THSD7A: variants seen among roughly 807,000 people sequenced by gnomAD.
THSD7A encodes the protein thrombospondin type 1 domain containing 7A, also known as thrombospondin type-1 domain-containing protein 7A.
A neutral mutation model predicts 231.3 loss-of-function variants in THSD7A; 96 were observed. The ratio of observed to expected loss-of-function variants is 0.41; its 90% CI spans 0.35 to 0.49. THSD7A has a LOEUF of 0.49. Among genes scored for constraint, THSD7A ranks in the 20% least tolerant of loss-of-function variants. The pLI, the probability that THSD7A is intolerant of heterozygous loss-of-function variation, is 0.05. For synonymous variants in THSD7A, 940 were observed against 743.3 expected, an observed-to-expected ratio of 1.26 and a Z score of -4.30; for missense variants, 2,290 against 2,070.2, an observed-to-expected ratio of 1.11 and a Z score of -2.06.
chr7:11,636,868 A>G lies in THSD7A; in HGVS notation c.284T>C (p.Leu95Pro), dbSNP rs1287842388. 12 of 1,613,844 alleles carry G rather than the reference A, an allele frequency of 7.4e-6. No individual in the cohort carries two copies. The highest frequency in any genetic ancestry group is 1.0e-5 in the Non-Finnish European group (12 of 1,179,894). The change falls in exon 2 of 28, where the codon CTG becomes CCG. Residue 95 changes from leucine to proline, a missense_variant. By Grantham distance (98) the Leu-to-Pro change is moderately conservative (BLOSUM62 -3). Coordinates refer to ENST00000423059, the MANE Select transcript of THSD7A (RefSeq NM_015204.3). This position sits in a 1 kb window ranked among gnomAD's most constrained non-coding sequence, Gnocchi z 10.0. ...CTCGGCCTGCTTACAGTTAGTATGC[A>G]GTGTAGTCCATCCCTCCACATGAGC... ...WCAHVEGWTTLHTNCKQAERP... is the reference protein window; with the variant it reads ...WCAHVEGWTTPHTNCKQAERP...
rs1326531356 is a variant in THSD7A, at chr7:11,444,326, T to C, written c.3064+1735A>G. Among the ~76,000 whole-genome samples, 1 of 152,096 alleles carries C rather than the reference T, an allele frequency of 6.6e-6. No homozygotes were observed. Among genetic ancestry groups the C allele is most frequent in the Admixed American group, 6.6e-5 (1 of 15,244 alleles). On this transcript the variant is annotated intron_variant, in intron 13 of 27. Transcript: ENST00000423059. This position sits in a 1 kb window ranked among gnomAD's most constrained non-coding sequence, Gnocchi z 4.2. Reference sequence around the variant, plus strand: ...TATATACCCGAAGGATTATAAATCATTCTACTATAAAGACACATGCACACG... The same window carrying C: ...TATATACCCGAAGGATTATAAATCACTCTACTATAAAGACACATGCACACG...
chr7:11,379,890 G>A (rs1434799046), intron 24 of THSD7A, 178 bp from the exon 25 acceptor site: 4 of 638,216 alleles, frequency 6.3e-6, no homozygotes, highest in Non-Finnish European at 8.3e-6. Context: ...GTGACTCCAG[G>A]CCCTTTTTAC....
intron 1 of THSD7A, among the ~76,000 whole-genome samples, chr7:11,811,686 T>C (rs1784532075): frequency 1.3e-5 from 2 of 152,212 alleles, no homozygotes; most frequent in African/African-American, 4.8e-5. Flanking sequence ...CTAGTTCTTT[T>C]ACCTGCAATA....
At chr7:11,502,466 C>G (rs887720131) in intron 6 of THSD7A, among the ~76,000 whole-genome samples, 9 of 152,140 alleles carry the variant, frequency 5.9e-5, no homozygotes, top group Non-Finnish European at 1.0e-4. Flanking sequence ...CCCCAGGATA[C>G]AAGACTGGTT....
chr7:11,400,628 A>G (rs1783368497), intron 23 of THSD7A, among the ~76,000 whole-genome samples: 1 of 152,100 alleles, frequency 6.6e-6, no homozygotes, highest in Non-Finnish European at 1.5e-5. Context: ...TACTTATCCT[A>G]TGCTGGCATA....
chr7:11,476,239 A>T (rs1786170204), intron 7 of THSD7A, among the ~76,000 whole-genome samples: 1 of 151,914 alleles, frequency 6.6e-6, no homozygotes, highest in Non-Finnish European at 1.5e-5. Context: ...CCTACAGTTT[A>T]TACAATATTT....
intron 4 of THSD7A, among the ~76,000 whole-genome samples, chr7:11,555,732 G>A (rs1789818035): frequency 6.6e-6 from 1 of 150,584 alleles, no homozygotes; most frequent in African/African-American, 2.4e-5. Flanking sequence ...ATCAGTTTTT[G>A]TTCATATATT....
chr7:11,774,761 C>T (rs1434645979), intron 1 of THSD7A, among the ~76,000 whole-genome samples: 2 of 152,092 alleles, frequency 1.3e-5, no homozygotes, highest in Non-Finnish European at 2.9e-5. Context: ...GCCTAAGAAA[C>T]TAAAGACATA....
chr7:11,547,662 C>T (rs1052121323), intron 4 of THSD7A, among the ~76,000 whole-genome samples: 1 of 152,124 alleles, frequency 6.6e-6, no homozygotes, highest in Non-Finnish European at 1.5e-5. Flanking sequence ...ATCAACCACC[C>T]TCTCAGACCA....
Position 11,376,561 on chromosome 7 carries a change from A to G in THSD7A, c.4889+9T>C. The G allele has an allele frequency of 1.3e-6, 2 of 1,561,500 alleles. No homozygotes were observed. Among genetic ancestry groups the G allele is most frequent in the Non-Finnish European group, 1.7e-6 (2 of 1,150,908 alleles). On this transcript the variant is annotated intron_variant, in intron 27 of 27. Transcript: ENST00000423059. ...ATCTCTTTGGATTTTTAATTATTTAAACACTCACCAAGCTAGATAAATCAT... is the reference window on the plus strand; with the variant it reads ...ATCTCTTTGGATTTTTAATTATTTAGACACTCACCAAGCTAGATAAATCAT...
Position 11,372,048 on chromosome 7 carries a change from T to C in THSD7A, c.*3746A>G, listed in dbSNP as rs1436232494. Reference sequence around the variant, plus strand: ...AAGTGTGTGAGAGGTCTATTCAATTTCTGTGAGAAGGAAGACGTGAATTTA... The same window carrying C: ...AAGTGTGTGAGAGGTCTATTCAATTCCTGTGAGAAGGAAGACGTGAATTTA... On this transcript the variant is annotated 3_prime_UTR_variant, in exon 28 of 28. Transcript: ENST00000423059. The C allele has an allele frequency of 6.6e-6, 1 of 151,972 alleles. No homozygotes were observed. The highest frequency in any genetic ancestry group is 1.5e-5 in the Non-Finnish European group (1 of 68,016). 9.4% of individuals were successfully genotyped at this position (151,972 alleles called of 1,614,324 possible).
intron 6 of THSD7A, among the ~76,000 whole-genome samples, chr7:11,540,601 T>C (rs898358276): frequency 2.0e-5 from 3 of 152,160 alleles, no homozygotes; most frequent in African/African-American, 7.2e-5. Flanking sequence ...AGAGCAACCT[T>C]AGAGATGATC....
Position 11,549,871 on chromosome 7 carries a change from A to G in THSD7A, c.1454-6754T>C, listed in dbSNP as rs1463145566. On this transcript the variant is annotated intron_variant, in intron 4 of 27. Coordinates refer to ENST00000423059, the MANE Select transcript of THSD7A (RefSeq NM_015204.3). ...GGTGCAGCAAATCACCATGGCACAC[A>G]TTTGCCTATGTAATGAACCTGCACA... 2.0e-5 allele frequency among the ~76,000 whole-genome samples: 3 copies of G among 152,026 alleles called. No homozygotes were observed. In the South Asian group the frequency reaches 6.2e-4, roughly 32 times the overall value.
intron 6 of THSD7A, among the ~76,000 whole-genome samples, chr7:11,503,060 T>C (rs1490744479): frequency 1.3e-5 from 2 of 152,138 alleles, no homozygotes; most frequent in African/African-American, 4.8e-5. Context: ...CTCTTCAAAC[T>C]ATACTACAAG....
At chr7:11,504,271 A>G (rs1288638925) in intron 6 of THSD7A, among the ~76,000 whole-genome samples, 2 of 152,064 alleles carry the variant, frequency 1.3e-5, no homozygotes, top group African/African-American at 2.4e-5. Flanking sequence ...AGAACTTATG[A>G]AAACAAAGAA....
Position 11,573,080 on chromosome 7 carries a change from T to C in THSD7A, c.1453+17380A>G, listed in dbSNP as rs948596732. Among the ~76,000 whole-genome samples, 5 of 152,188 alleles carry C rather than the reference T, an allele frequency of 3.3e-5. No individual in the cohort carries two copies. The South Asian group carries it at 1.0e-3, about 31-fold the overall frequency. On this transcript the variant is annotated intron_variant, in intron 4 of 27. Coordinates refer to ENST00000423059, the MANE Select transcript of THSD7A (RefSeq NM_015204.3). ...AGCTCTTTTTAAGTTTGAACTGCAC[T>C]GTGACAGTGTGGACCTTCTGGGACC...
chr7:11,521,020 T>C (rs1788239154), intron 6 of THSD7A, among the ~76,000 whole-genome samples: 1 of 152,192 alleles, frequency 6.6e-6, no homozygotes, highest in Non-Finnish European at 1.5e-5. Context: ...TGCACAAATA[T>C]TGCTCTTCAA....
chr7:11,517,281 T>C (rs1265604866), intron 6 of THSD7A, among the ~76,000 whole-genome samples: 2 of 152,146 alleles, frequency 1.3e-5, no homozygotes, highest in East Asian at 1.9e-4. Context: ...GGTTTCACTA[T>C]GTTGGCCAGG....
intron 2 of THSD7A, among the ~76,000 whole-genome samples, chr7:11,595,985 T>C (rs1780345729): frequency 6.6e-6 from 1 of 152,202 alleles, no homozygotes; most frequent in South Asian, 2.1e-4. Context: ...CCTACCGTAT[T>C]CCTACTTAAT....
Sources: allele counts gnomAD v4.1 joint callset (sites outside exome capture counted in the v4.1 genomes callset), GRCh38; gene constraint gnomAD v4.1.1; non-coding constraint Gnocchi (gnomAD v3.1); transcripts MANE v1.5; gene names NCBI Gene and HGNC (gene_info 2026-07-23, HGNC 2026-07-21).